Variants in GPM6A observed in about 807,000 individuals in gnomAD.
GPM6A encodes glycoprotein M6A, also known as neuronal membrane glycoprotein M6-a.
In GPM6A, 7 loss-of-function variants were observed where a neutral mutation model predicts 32.1. The ratio of observed to expected loss-of-function variants is 0.22; its 90% CI spans 0.12 to 0.41. GPM6A has a LOEUF of 0.41. Among genes scored for constraint, GPM6A ranks in the 10% least tolerant of loss-of-function variants. The probability of loss-of-function intolerance (pLI) is 1.00; values close to 1 mark genes in which losing one functional copy is unlikely to be tolerated. For synonymous variants in GPM6A, 130 were observed against 123.4 expected, an observed-to-expected ratio of 1.05 and a Z score of -0.35; for missense variants, 235 against 347.2, an observed-to-expected ratio of 0.68 and a Z score of 2.57.
chr4:175,644,121 G>GTTTTTTTTTTTTTTTTTT (rs781755092), intron 4 of GPM6A, among the ~76,000 whole-genome samples: 2 of 110,380 alleles, frequency 1.8e-5, no homozygotes. Flanking sequence ...TTTTCCGTTT[G>GTTTTTTTTTTTTTTTTTT]TTTTTTTTTT....
chr4:175,645,164 T>C (rs1741383138), intron 4 of GPM6A, among the ~76,000 whole-genome samples: 1 of 151,970 alleles, frequency 6.6e-6, no homozygotes, highest in South Asian at 2.1e-4. Context: ...GCAAAGAGAA[T>C]TGGGGAGAAC....
intron 1 of GPM6A, among the ~76,000 whole-genome samples, chr4:175,880,782 T>G (rs2111456910): frequency 6.6e-6 from 1 of 152,314 alleles, no homozygotes; most frequent in South Asian, 2.1e-4. Context: ...AAGGAGATTT[T>G]GGGCTGAGAC....
At chr4:175,907,078 C>T (rs1193266097) in intron 1 of GPM6A, 1 of 152,128 alleles carries the variant, frequency 6.6e-6, no homozygotes, top group Non-Finnish European at 1.5e-5. Context: ...TCAGTGGGTA[C>T]CTCAAGAATA....
chr4:175,638,074 A>G (rs924815277), intron 6 of GPM6A, among the ~76,000 whole-genome samples: 3 of 149,640 alleles, frequency 2.0e-5, no homozygotes, highest in Non-Finnish European at 4.4e-5. Flanking sequence ...TCCAATGCTA[A>G]GTCGATTTAC....
At chr4:175,827,386 C>T (rs554910729) in intron 1 of GPM6A, among the ~76,000 whole-genome samples, 1 of 152,142 alleles carries the variant, frequency 6.6e-6, no homozygotes, top group Non-Finnish European at 1.5e-5. Flanking sequence ...TTCAAAATAA[C>T]CCTGTGAGGT....
At chr4:175,736,434 C>T (rs2581750) in intron 1 of GPM6A, among the ~76,000 whole-genome samples, 149,446 of 152,300 alleles carry the variant, frequency 0.98, 73,396 homozygotes, top group Middle Eastern at 1. Context: ...AGAATGACCA[C>T]CTCATTACCA....
At position 175,990,553 on chromosome 4, in the gene GPM6A, G is replaced by A. The variant is rs561181269; in HGVS notation, c.-23+11756C>T. Among the ~76,000 whole-genome samples the A allele has an allele frequency of 6.6e-5, 10 of 152,142 alleles. No individual in the cohort carries two copies. The South Asian group carries it at 2.1e-3, about 32-fold the overall frequency. Reference sequence around the variant, plus strand: ...ATGTGCAGAGCAAGGGTGGGCATGGGATAGACCCTTCAGTAGACCCCTAAG... The same window carrying A: ...ATGTGCAGAGCAAGGGTGGGCATGGAATAGACCCTTCAGTAGACCCCTAAG... On this transcript the variant is annotated intron_variant, in intron 1 of 7. Coordinates refer to the GPM6A transcript ENST00000280187.
intron 1 of GPM6A, among the ~76,000 whole-genome samples, chr4:175,795,078 A>C (rs1414019084): frequency 6.6e-6 from 1 of 152,230 alleles, no homozygotes; most frequent in Non-Finnish European, 1.5e-5. Context: ...GAATTAGGAG[A>C]CATTTCTGAA....
At chr4:175,712,637 C>A (rs1344028890) in intron 1 of GPM6A, among the ~76,000 whole-genome samples, 3 of 152,106 alleles carry the variant, frequency 2.0e-5, no homozygotes, top group Admixed American at 2.0e-4. Flanking sequence ...GAAACATGTC[C>A]CTTGGGTAGA....
intron 2 of GPM6A, among the ~76,000 whole-genome samples, chr4:175,687,588 T>C (rs1206485999): frequency 6.6e-6 from 1 of 152,112 alleles, no homozygotes; most frequent in Non-Finnish European, 1.5e-5. Context: ...ATGTACATTT[T>C]GTCTGTTTCC....
At chr4:175,689,198 T>C (rs1375038834) in intron 2 of GPM6A, among the ~76,000 whole-genome samples, 2 of 152,224 alleles carry the variant, frequency 1.3e-5, no homozygotes, top group Admixed American at 1.3e-4. Flanking sequence ...TTTGGAGCCC[T>C]TTGTGATTCC....
At chr4:175,884,692 G>A (rs745973713) in intron 1 of GPM6A, among the ~76,000 whole-genome samples, 7 of 151,584 alleles carry the variant, frequency 4.6e-5, no homozygotes, top group Non-Finnish European at 1.0e-4. Context: ...CCAAGAGCCC[G>A]GCTAATTTTT....
intron 1 of GPM6A, among the ~76,000 whole-genome samples, chr4:175,797,605 A>C (rs148529342): frequency 6.6e-6 from 1 of 152,164 alleles, no homozygotes; most frequent in African/African-American, 2.4e-5. Context: ...TGAATAATCC[A>C]GATTAAAGAC....
upstream of GPM6A, chr4:175,812,551 G>A (rs1176161088): frequency 3.8e-6 from 4 of 1,058,110 alleles, no homozygotes; most frequent in African/African-American, 3.3e-5. Flanking sequence ...ATTTTGGGGG[G>A]AAATTTGGTC....
At chr4:175,880,487 A>G (rs1737236599) in intron 1 of GPM6A, among the ~76,000 whole-genome samples, 2 of 152,102 alleles carry the variant, frequency 1.3e-5, no homozygotes, top group Admixed American at 1.3e-4. Context: ...CAGTATGGTC[A>G]TTTTCATGAT....
intron 3 of GPM6A, among the ~76,000 whole-genome samples, chr4:175,664,583 T>A (rs1742627495): frequency 6.6e-6 from 1 of 152,242 alleles, no homozygotes; most frequent in African/African-American, 2.4e-5. Context: ...ACTCAACAAA[T>A]CATGTTCATA....
At chr4:175,761,616 A>G (rs1732746307) in intron 1 of GPM6A, among the ~76,000 whole-genome samples, 1 of 152,196 alleles carries the variant, frequency 6.6e-6, no homozygotes, top group South Asian at 2.1e-4. Context: ...TTATTTGGAC[A>G]TCTATAATTT....
chr4:175,942,753 C>A (rs181065820), intron 1 of GPM6A, among the ~76,000 whole-genome samples: 291 of 152,198 alleles, frequency 1.9e-3, no homozygotes, highest in Non-Finnish European at 1.9e-3. Context: ...GTTTTGGTAC[C>A]AGTACCATGC....
intron 1 of GPM6A, chr4:176,002,235 C>A: frequency 6.8e-7 from 1 of 1,473,680 alleles, no homozygotes. Flanking sequence ...GAGGAACATT[C>A]ATTTTCTTTC....
Sources: allele counts gnomAD v4.1 joint callset (sites outside exome capture counted in the v4.1 genomes callset), GRCh38; gene constraint gnomAD v4.1.1; transcripts MANE v1.5; gene names NCBI Gene and HGNC (gene_info 2026-07-23, HGNC 2026-07-21).